Variants in CYTH3 observed in about 807,000 individuals in gnomAD.
CYTH3 encodes cytohesin-3.
In CYTH3, 23 loss-of-function variants were observed where a neutral mutation model predicts 55.1. That is an observed-to-expected ratio of 0.42 (90% CI 0.30 to 0.59). The LOEUF (loss-of-function observed/expected upper bound fraction) is 0.59, where lower values mean the gene tolerates loss of function less well. CYTH3 is among the 20% of genes least tolerant of loss of function. The pLI, the probability that CYTH3 is intolerant of heterozygous loss-of-function variation, is 0.20. For synonymous variants in CYTH3, 249 were observed against 194.9 expected (o/e 1.28, Z -2.31); for missense variants, 413 against 524.8 (o/e 0.79, Z 2.08).
intron 1 of CYTH3, among the ~76,000 whole-genome samples, chr7:6,229,915 G>C (rs1475949965): frequency 6.6e-6 from 1 of 151,848 alleles, no homozygotes; most frequent in African/African-American, 2.4e-5. Context: ...GTGAGTGATA[G>C]CTTGAGGTCT....
chr7:6,204,165 T>C (rs550595630), intron 1 of CYTH3, among the ~76,000 whole-genome samples: 6 of 152,292 alleles, frequency 3.9e-5, no homozygotes, highest in East Asian at 1.9e-4. Context: ...TTCTTCTTAA[T>C]GGAACATAAG....
In CYTH3 at chr7:6,170,800, A is replaced by ACGGCAG; in HGVS notation, c.711+24_711+29dup. Reference sequence around the variant, plus strand: ...CGCTCACAGCGAAGAGATCCTGCAGACGGCAGCGGCCGCGGGCCGGGGAGC... The same window carrying ACGGCAG: ...CGCTCACAGCGAAGAGATCCTGCAGACGGCAGCGGCAGCGGCCGCGGGCCGGGGAGC... On this transcript the variant is annotated intron_variant, in intron 8 of 12. Transcript: ENST00000350796. This position sits in a 1 kb window ranked among gnomAD's most constrained non-coding sequence, Gnocchi z 7.8. 1 of 1,596,968 alleles carries ACGGCAG rather than the reference A, an allele frequency of 6.3e-7. No homozygotes were observed. Among genetic ancestry groups the ACGGCAG allele is most frequent in the Non-Finnish European group, 8.5e-7 (1 of 1,171,812 alleles).
chr7:6,243,945 G>A (rs915199006), intron 1 of CYTH3, among the ~76,000 whole-genome samples: 3 of 152,136 alleles, frequency 2.0e-5, no homozygotes, highest in African/African-American at 7.2e-5. Context: ...ATTCTCTCCT[G>A]TTAGGAATAT....
Position 6,262,784 on chromosome 7 carries a change from T to G in CYTH3, c.34+9690A>C, listed in dbSNP as rs868791804. Among the ~76,000 whole-genome samples the G allele has an allele frequency of 3.3e-5, 5 of 152,318 alleles. No individual in the cohort carries two copies. In the South Asian group the frequency reaches 1.0e-3, roughly 32 times the overall value. ...AAAAACAGAGGCAAGCTTAGCACAG[T>G]GGCACATGCCTGTAGTCCTAGCTAC... is the stretch of plus-strand genomic sequence containing the variant. On this transcript the variant is annotated intron_variant, in intron 1 of 12. Coordinates refer to ENST00000350796, the MANE Select transcript of CYTH3 (RefSeq NM_004227.4).
rs1779656776 is a variant in CYTH3, at chr7:6,240,905, G to T, written c.34+31569C>A. On this transcript the variant is annotated intron_variant, in intron 1 of 12. Coordinates refer to ENST00000350796, the MANE Select transcript of CYTH3 (RefSeq NM_004227.4). ...CCAAGGCGGGTGGATCACGAGGTCAGAAGTTCAAGACTAGCCTGACCAACA... is the reference window on the plus strand; with the variant it reads ...CCAAGGCGGGTGGATCACGAGGTCATAAGTTCAAGACTAGCCTGACCAACA... Among the ~76,000 whole-genome samples, 4 of 151,628 alleles carry T rather than the reference G, an allele frequency of 2.6e-5. No individual in the cohort carries two copies. The South Asian group carries it at 8.3e-4, about 31-fold the overall frequency.
intron 1 of CYTH3, among the ~76,000 whole-genome samples, chr7:6,199,675 T>G (rs542628832): frequency 6.6e-6 from 1 of 152,270 alleles, no homozygotes; most frequent in East Asian, 1.9e-4. Context: ...AGATACCAGA[T>G]AAAAATTTGT....
chr7:6,246,047 C>T (rs559324364), intron 1 of CYTH3, among the ~76,000 whole-genome samples: 5 of 152,056 alleles, frequency 3.3e-5, no homozygotes, highest in East Asian at 1.9e-4. Context: ...AAACACAGGG[C>T]AAAATAGGTA....
intron 4 of CYTH3, among the ~76,000 whole-genome samples, chr7:6,183,083 G>A (rs545609874): frequency 8.2e-4 from 125 of 152,304 alleles, no homozygotes; most frequent in Non-Finnish European, 1.3e-3. Flanking sequence ...GCCACCCACC[G>A]AGGACGCTGC....
At chr7:6,222,934 T>A (rs975945637) in intron 1 of CYTH3, among the ~76,000 whole-genome samples, 6 of 152,244 alleles carry the variant, frequency 3.9e-5, no homozygotes, top group African/African-American at 1.4e-4. Context: ...GGCCTGCTCA[T>A]AATAGTCAAT....
intron 1 of CYTH3, among the ~76,000 whole-genome samples, chr7:6,267,020 G>T (rs1315032363): frequency 6.6e-6 from 1 of 152,226 alleles, no homozygotes; most frequent in African/African-American, 2.4e-5. Flanking sequence ...ATGGCTCAGT[G>T]CTGCCCTTGC....
chr7:6,171,212 G>C lies in CYTH3; in HGVS notation c.552C>G (p.Phe184Leu). The C allele has an allele frequency of 6.2e-7, 1 of 1,614,156 alleles. No individual in the cohort carries two copies. Among genetic ancestry groups the C allele is most frequent in the Non-Finnish European group, 8.5e-7 (1 of 1,180,012 alleles). The change falls in exon 7 of 13, where the codon TTC (phenylalanine) becomes TTG (leucine). Residue 184 changes from phenylalanine to leucine, a missense_variant. Transcript: ENST00000350796. This position sits in a 1 kb window ranked among gnomAD's most constrained non-coding sequence, Gnocchi z 6.7. ...SRYCLCNPGV[F>L]QSTDTCYVLS... ...GGGCTCTGCACTGACCTGTGGACTG[G>C]AAGACCCCGGGGTTGCACAGGCAGT... is the stretch of plus-strand genomic sequence containing the variant.
At chr7:6,254,331 T>C (rs1256611900) in intron 1 of CYTH3, among the ~76,000 whole-genome samples, 1 of 152,262 alleles carries the variant, frequency 6.6e-6, no homozygotes, top group African/African-American at 2.4e-5. Context: ...GAATGTGTAC[T>C]ATTTTGGAAC....
chr7:6,244,026 T>C (rs550390896), intron 1 of CYTH3, among the ~76,000 whole-genome samples: 1 of 152,376 alleles, frequency 6.6e-6, no homozygotes, highest in East Asian at 1.9e-4. Flanking sequence ...AGAATTCCTG[T>C]ATTTACAGGT....
chr7:6,204,047 T>C (rs1240440217), intron 1 of CYTH3, among the ~76,000 whole-genome samples: 1 of 132,290 alleles, frequency 7.6e-6, no homozygotes, highest in African/African-American at 2.8e-5. Flanking sequence ...ATGTTCACAA[T>C]AGAAAAAAAA....
At chr7:6,185,681 C>A (rs1562885156) in intron 4 of CYTH3, among the ~76,000 whole-genome samples, 2 of 145,280 alleles carry the variant, frequency 1.4e-5, no homozygotes, top group Admixed American at 6.9e-5. Context: ...GCCTGGGCAA[C>A]AGAGTTAGAC....
chr7:6,187,650 T>A lies in CYTH3; in HGVS notation c.182+7A>T. The A allele has an allele frequency of 6.2e-7, 1 of 1,610,914 alleles. No homozygotes were observed. The highest frequency in any genetic ancestry group is 8.5e-7 in the Non-Finnish European group (1 of 1,177,030). ...AATAGCTTAAAGGTGTAGCCACAAATTGTTACCTCTCCTCTACGGAAGTTA... is the reference window on the plus strand; with the variant it reads ...AATAGCTTAAAGGTGTAGCCACAAAATGTTACCTCTCCTCTACGGAAGTTA... On this transcript the variant is annotated splice_region_variant and intron_variant, in intron 3 of 12. Transcript: ENST00000350796.
chr7:6,230,036 A>C (rs1487721074), intron 1 of CYTH3, among the ~76,000 whole-genome samples: 1 of 151,032 alleles, frequency 6.6e-6, no homozygotes, highest in Non-Finnish European at 1.5e-5. Flanking sequence ...CAGGAGGCTG[A>C]GGTAGGAGAA....
chr7:6,215,077 A>T lies in CYTH3; in HGVS notation c.35-24546T>A, dbSNP rs765177955. On this transcript the variant is annotated intron_variant, in intron 1 of 12. Transcript: ENST00000350796. ...TAGGATGCCCTCTCTTCCTCTGAGA[A>T]TTCTGTTACTTCAAGTGTTCTGAAA... Among the ~76,000 whole-genome samples, 7 of 152,320 alleles carry T rather than the reference A, an allele frequency of 4.6e-5. No individual in the cohort carries two copies. The South Asian group carries it at 8.3e-4, about 18-fold the overall frequency.
chr7:6,231,310 C>A (rs534745954), intron 1 of CYTH3, among the ~76,000 whole-genome samples: 12 of 152,292 alleles, frequency 7.9e-5, no homozygotes, highest in African/African-American at 2.4e-4. Flanking sequence ...GAGGAGTTGG[C>A]CAGACCAAGA....
Sources: allele counts gnomAD v4.1 joint callset (sites outside exome capture counted in the v4.1 genomes callset), GRCh38; gene constraint gnomAD v4.1.1; non-coding constraint Gnocchi (gnomAD v3.1); transcripts MANE v1.5; gene names NCBI Gene and HGNC (gene_info 2026-07-23, HGNC 2026-07-21).